Variants in FMN2 observed in about 807,000 individuals in gnomAD.
FMN2 encodes the protein formin-2.
In FMN2, 51 loss-of-function variants were observed where a neutral mutation model predicts 142.3. That is an observed-to-expected ratio of 0.36 (90% confidence interval 0.29 to 0.45). The LOEUF is 0.45. FMN2 is among the 20% of genes least tolerant of loss of function. The pLI is 1.00. For synonymous variants in FMN2, 882 were observed against 869.8 expected, an observed-to-expected ratio of 1.01 and a Z score of -0.25; for missense variants, 1,936 against 2,122.8, an observed-to-expected ratio of 0.91 and a Z score of 1.73.
intron 1 of FMN2, among the ~76,000 whole-genome samples, chr1:240,113,499 AGT>A: frequency 7.2e-6 from 1 of 138,964 alleles, no homozygotes; most frequent in Non-Finnish European, 1.5e-5. Flanking sequence ...CAGAGGTCGC[AGT>A]GAGCCGAGAT....
At chr1:240,201,649 T>C (rs969769435) in intron 4 of FMN2, among the ~76,000 whole-genome samples, 2 of 152,224 alleles carry the variant, frequency 1.3e-5, no homozygotes, top group African/African-American at 4.8e-5. Flanking sequence ...TTTAATAATT[T>C]GTGCATCTTT....
At chr1:240,150,497 A>G (rs1214283609) in intron 2 of FMN2, among the ~76,000 whole-genome samples, 1 of 152,192 alleles carries the variant, frequency 6.6e-6, no homozygotes, top group East Asian at 1.9e-4. Context: ...GCCTTGTTAG[A>G]TCAAGGCTTT....
chr1:240,099,343 A>C (rs987068580), intron 1 of FMN2, among the ~76,000 whole-genome samples: 3 of 145,976 alleles, frequency 2.1e-5, no homozygotes, highest in East Asian at 2.0e-4. Context: ...TTTATGTATT[A>C]TTTTTTCTTT....
chr1:240,234,260 AT>A (rs748747643), intron 6 of FMN2, among the ~76,000 whole-genome samples: 1 of 152,208 alleles, frequency 6.6e-6, no homozygotes, highest in Non-Finnish European at 1.5e-5. Context: ...GGTGACACTC[AT>A]CCCCCCTACC....
At chr1:240,145,154 G>T in intron 2 of FMN2, 1 of 1,478,590 alleles carries the variant, frequency 6.8e-7, no homozygotes, top group Non-Finnish European at 9.4e-7. Context: ...TTCCTCCAGC[G>T]CTGGTCGATA....
intron 14 of FMN2, among the ~76,000 whole-genome samples, chr1:240,379,456 C>G (rs1673154011): frequency 6.6e-6 from 1 of 152,112 alleles, no homozygotes; most frequent in South Asian, 2.1e-4. Flanking sequence ...CAAAGTATTT[C>G]CTCTCTGGAA....
intron 14 of FMN2, among the ~76,000 whole-genome samples, chr1:240,387,293 C>T (rs1673437996): frequency 6.6e-6 from 1 of 152,164 alleles, no homozygotes; most frequent in Non-Finnish European, 1.5e-5. Flanking sequence ...GGCAGTGGAT[C>T]TCAAACTCCA....
chr1:240,325,844 T>A (rs896627832), intron 8 of FMN2, among the ~76,000 whole-genome samples: 2 of 152,214 alleles, frequency 1.3e-5, no homozygotes, highest in Non-Finnish European at 2.9e-5. Flanking sequence ...ACGGCTGTGA[T>A]GTACCTGATG....
At chr1:240,450,963 A>C (rs34417273) in intron 16 of FMN2, among the ~76,000 whole-genome samples, 1 of 152,160 alleles carries the variant, frequency 6.6e-6, no homozygotes, top group Admixed American at 6.5e-5. Context: ...ACAGGACAAC[A>C]GAGGTATCCT....
chr1:240,400,809 CACA>C (rs1673957657), intron 15 of FMN2: 1 of 152,078 alleles, frequency 6.6e-6, no homozygotes, highest in Non-Finnish European at 1.5e-5. Context: ...GACCACCACA[CACA>C]CACACAATTG....
chr1:240,449,851 ATTG>A (rs1175766886), intron 16 of FMN2, among the ~76,000 whole-genome samples: 2 of 152,168 alleles, frequency 1.3e-5, no homozygotes, highest in East Asian at 1.9e-4. Context: ...CTTGATATAC[ATTG>A]TTAAGTACTT....
At chr1:240,105,100 CTTTTTTTT>C (rs57841541) in intron 1 of FMN2, among the ~76,000 whole-genome samples, 7 of 72,986 alleles carry the variant, frequency 9.6e-5, no homozygotes, top group Non-Finnish European at 1.8e-4. Flanking sequence ...GTTTATGCTT[CTTTTTTTT>C]TTTTTTTTTT....
chr1:240,115,183 A>ATCCCCGC (rs1296943369), intron 1 of FMN2, among the ~76,000 whole-genome samples: 1 of 152,218 alleles, frequency 6.6e-6, no homozygotes, highest in East Asian at 1.9e-4. Context: ...CAATTAAGTG[A>ATCCCCGC]TTATTCTTTC....
intron 15 of FMN2, among the ~76,000 whole-genome samples, chr1:240,411,630 G>GT (rs144007284): frequency 0.19 from 26,181 of 140,752 alleles, 2,905 homozygotes; most frequent in East Asian, 0.58. Context: ...TTGATCTGTT[G>GT]TTTTTTTTTT....
chr1:240,188,173 A>T lies in FMN2; in HGVS notation c.1931-34A>T, dbSNP rs368195438. 3,328 of 1,606,166 alleles carry T rather than the reference A, an allele frequency of 2.1e-3. 77 individuals carry two copies. In the South Asian group the frequency reaches 0.031, roughly 15 times the overall value. On this transcript the variant is annotated intron_variant, in intron 3 of 17. Transcript: ENST00000319653. ...TGAAGAAATAGGAAAATTGTCCTTT[A>T]AGATACTGACTGTCTGCTTCCTTTC...
At chr1:240,471,250 G>C (rs1676798325) in intron 16 of FMN2, among the ~76,000 whole-genome samples, 1 of 152,154 alleles carries the variant, frequency 6.6e-6, no homozygotes, top group African/African-American at 2.4e-5. Flanking sequence ...GCTAGATGAA[G>C]CTCAGTTTTT....
chr1:240,368,714 A>G (rs74915908), intron 14 of FMN2, among the ~76,000 whole-genome samples: 2,606 of 152,116 alleles, frequency 0.017, 76 homozygotes, highest in African/African-American at 0.06. Context: ...TTAGTATAAT[A>G]TGGACAGAAA....
intron 6 of FMN2, among the ~76,000 whole-genome samples, chr1:240,213,738 C>T (rs1048597231): frequency 1.3e-5 from 2 of 152,118 alleles, no homozygotes; most frequent in African/African-American, 4.8e-5. Flanking sequence ...GCTGGAAGTT[C>T]TGTTTTTGTT....
chr1:240,413,363 G>T (rs894496912), intron 15 of FMN2, among the ~76,000 whole-genome samples: 1 of 151,686 alleles, frequency 6.6e-6, no homozygotes, highest in Non-Finnish European at 1.5e-5. Context: ...AGGAAGGGTG[G>T]GTTAAAGGCT....
Sources: allele counts gnomAD v4.1 joint callset (sites outside exome capture counted in the v4.1 genomes callset), GRCh38; gene constraint gnomAD v4.1.1; transcripts MANE v1.5; gene names NCBI Gene and HGNC (gene_info 2026-07-23, HGNC 2026-07-21).